The following FUT9 variants were observed in gnomAD, a reference collection of about 807,000 sequenced individuals.
The protein encoded by FUT9 is 4-galactosyl-N-acetylglucosaminide 3-alpha-L-fucosyltransferase 9.
In FUT9, 15 loss-of-function variants were observed where a neutral mutation model predicts 29.7. The ratio of observed to expected loss-of-function variants is 0.51; its 90% CI spans 0.34 to 0.78. FUT9 has a LOEUF of 0.78. Ranked by LOEUF, FUT9 falls within the 30% of genes least tolerant of loss-of-function variation. The probability of loss-of-function intolerance (pLI) is 0.01; values close to 1 mark genes in which losing one functional copy is unlikely to be tolerated. For synonymous variants in FUT9, 169 were observed against 153.7 expected (o/e 1.10, Z -0.74); for missense variants, 319 against 425.4 (o/e 0.75, Z 2.20).
intron 2 of FUT9, among the ~76,000 whole-genome samples, chr6:96,156,256 AT>A (rs1772782597): frequency 6.6e-6 from 1 of 152,094 alleles, no homozygotes; most frequent in East Asian, 1.9e-4. Flanking sequence ...TCTGTTTCTA[AT>A]TTTTTTGTTG....
At chr6:96,170,534 A>G (rs1176052453) in intron 2 of FUT9, among the ~76,000 whole-genome samples, 1 of 123,240 alleles carries the variant, frequency 8.1e-6, no homozygotes, top group Admixed American at 9.8e-5. Flanking sequence ...TTAAATCAGA[A>G]TAAAATCCCT....
chr6:96,124,153 C>CTT (rs35122970), intron 2 of FUT9, among the ~76,000 whole-genome samples: 15 of 125,052 alleles, frequency 1.2e-4, no homozygotes, highest in South Asian at 2.7e-4. Context: ...TTTCTTTTTT[C>CTT]TTTTTTTTTT....
chr6:96,155,523 A>G (rs1772764290), intron 2 of FUT9, among the ~76,000 whole-genome samples: 1 of 152,078 alleles, frequency 6.6e-6, no homozygotes, highest in Non-Finnish European at 1.5e-5. Context: ...AATACAAAAA[A>G]TTAGCTGGGC....
At position 96,196,510 on chromosome 6, in the gene FUT9, G is replaced by A. The variant is rs116694767; in HGVS notation, c.-8-6638G>A. On this transcript the variant is annotated intron_variant, in intron 2 of 2. Coordinates refer to ENST00000302103, the MANE Select transcript of FUT9 (RefSeq NM_006581.4). ...GGGCAGATCATGAGGTCAGGAGATC[G>A]CGATCATCCCAGCCAACATGGTGAA... Among the ~76,000 whole-genome samples, 818 of 152,086 alleles carry A rather than the reference G, an allele frequency of 5.4e-3. 13 individuals carry two copies. Among genetic ancestry groups the A allele is most frequent in the African/African-American group, 0.019 (784 of 41,510 alleles).
intron 2 of FUT9, among the ~76,000 whole-genome samples, chr6:96,168,561 T>C (rs551231420): frequency 3.9e-4 from 60 of 152,262 alleles, no homozygotes; most frequent in African/African-American, 1.4e-3. Context: ...GACTGAGAAT[T>C]GACCATTAAA....
chr6:96,023,900 G>A (rs2127922761), intron 1 of FUT9, among the ~76,000 whole-genome samples: 1 of 151,990 alleles, frequency 6.6e-6, no homozygotes, highest in African/African-American at 2.4e-5. Flanking sequence ...TAGAGAACAA[G>A]ACCAGAAAGT....
chr6:96,179,695 A>G (rs1270022277), intron 2 of FUT9, among the ~76,000 whole-genome samples: 1 of 152,186 alleles, frequency 6.6e-6, no homozygotes, highest in African/African-American at 2.4e-5. Flanking sequence ...TATACATAAG[A>G]ACAATAAAAA....
intron 1 of FUT9, among the ~76,000 whole-genome samples, chr6:96,096,568 TA>T (rs1227676912): frequency 6.6e-6 from 1 of 151,988 alleles, no homozygotes; most frequent in Non-Finnish European, 1.5e-5. Context: ...TTCACTTCTT[TA>T]AGTCCACTCT....
chr6:96,071,818 A>G (rs960664988), intron 1 of FUT9, among the ~76,000 whole-genome samples: 1 of 152,008 alleles, frequency 6.6e-6, no homozygotes, highest in Non-Finnish European at 1.5e-5. Context: ...TTTCTTTTGT[A>G]GAGACAGGGT....
chr6:96,127,221 CT>C (rs1358637769), intron 2 of FUT9, among the ~76,000 whole-genome samples: 3 of 152,122 alleles, frequency 2.0e-5, no homozygotes, highest in Non-Finnish European at 4.4e-5. Flanking sequence ...CAGTGGCTGG[CT>C]TTTGTTCCCT....
intron 1 of FUT9, among the ~76,000 whole-genome samples, chr6:96,048,597 C>T (rs1388848187): frequency 6.6e-6 from 1 of 152,178 alleles, no homozygotes; most frequent in African/African-American, 2.4e-5. Flanking sequence ...AGAGTGAATT[C>T]ATATTGTCAT....
At chr6:96,196,627 G>A (rs894381379) in intron 2 of FUT9, among the ~76,000 whole-genome samples, 6 of 151,992 alleles carry the variant, frequency 3.9e-5, no homozygotes, top group African/African-American at 9.7e-5. Context: ...CAGGAGAATC[G>A]TTTGAACCCG....
At chr6:96,042,445 A>AT (rs1365339627) in intron 1 of FUT9, among the ~76,000 whole-genome samples, 1 of 152,210 alleles carries the variant, frequency 6.6e-6, no homozygotes, top group African/African-American at 2.4e-5. Context: ...AAATGTGCCC[A>AT]CTACCTAAAT....
intron 2 of FUT9, among the ~76,000 whole-genome samples, chr6:96,129,947 A>G (rs1772210571): frequency 6.6e-6 from 1 of 152,056 alleles, no homozygotes; most frequent in Non-Finnish European, 1.5e-5. Flanking sequence ...TGAATTTTTT[A>G]ATTAAATTTC....
intron 2 of FUT9, among the ~76,000 whole-genome samples, chr6:96,124,839 A>T (rs910062749): frequency 2.0e-5 from 3 of 152,190 alleles, no homozygotes. Flanking sequence ...AAGATGTATA[A>T]TTTTTTATTT....
rs1773188597 is a variant in FUT9 at position 96,175,551 on chromosome 6, G to A, written c.-8-27597G>A. On this transcript the variant is annotated intron_variant, in intron 2 of 2. Coordinates refer to ENST00000302103, the MANE Select transcript of FUT9 (RefSeq NM_006581.4). ...ATACTTATGTAAATACAAATGCCAT[G>A]GGGCACCTAGTTTAATGTAGATTTA... Among the ~76,000 whole-genome samples, 5 of 152,262 alleles carry A rather than the reference G, an allele frequency of 3.3e-5. No homozygotes were observed. The South Asian group carries it at 1.0e-3, about 32-fold the overall frequency.
At chr6:96,103,229 G>T (rs979554658) in intron 1 of FUT9, among the ~76,000 whole-genome samples, 1 of 152,050 alleles carries the variant, frequency 6.6e-6, no homozygotes, top group Admixed American at 6.6e-5. Flanking sequence ...ATATACGCGC[G>T]TGTGTGTATA....
intron 2 of FUT9, among the ~76,000 whole-genome samples, chr6:96,188,584 A>C (rs1384951541): frequency 6.6e-6 from 1 of 151,878 alleles, no homozygotes; most frequent in Admixed American, 6.6e-5. Context: ...GATTTAAAGG[A>C]ATTATTACCT....
chr6:96,029,175 T>A (rs528136449), intron 1 of FUT9, among the ~76,000 whole-genome samples: 56 of 151,692 alleles, frequency 3.7e-4, no homozygotes, highest in Non-Finnish European at 1.3e-4. Context: ...ATACAAGCGA[T>A]GATAGAAATT....
Sources: allele counts gnomAD v4.1 joint callset (sites outside exome capture counted in the v4.1 genomes callset), GRCh38; gene constraint gnomAD v4.1.1; transcripts MANE v1.5; gene names NCBI Gene and HGNC (gene_info 2026-07-23, HGNC 2026-07-21).